PLIN3: variants seen among roughly 807,000 people sequenced by gnomAD.
The protein encoded by PLIN3 is perilipin 3.
In PLIN3, 30 loss-of-function variants were observed where a neutral mutation model predicts 35.9. That is an observed-to-expected ratio of 0.84 (90% CI 0.62 to 1.13). The LOEUF (loss-of-function observed/expected upper bound fraction) is 1.13, where lower values mean the gene tolerates loss of function less well. PLIN3 is among the 50% of genes most tolerant of loss of function. The pLI, the probability that PLIN3 is intolerant of heterozygous loss-of-function variation, is 0.00. For synonymous variants in PLIN3, 261 were observed against 262.5 expected (o/e 0.99, Z 0.06); for missense variants, 603 against 596.9 (o/e 1.01, Z -0.11).
intron 1 of PLIN3, among the ~76,000 whole-genome samples, chr19:4,862,079 T>C (rs2030694479): frequency 1.3e-5 from 2 of 149,892 alleles, no homozygotes; most frequent in Admixed American, 1.3e-4. Flanking sequence ...ACTAGGACTA[T>C]AGGCACACAC....
intron 1 of PLIN3, among the ~76,000 whole-genome samples, chr19:4,866,019 G>A (rs1004853864): frequency 7.1e-6 from 1 of 139,904 alleles, no homozygotes; most frequent in African/African-American, 2.7e-5. Flanking sequence ...CACCATGCCC[G>A]GCCTTTTTTT....
intron 1 of PLIN3, among the ~76,000 whole-genome samples, 180 bp downstream of exon 1, chr19:4,867,429 G>C (rs1599182323): frequency 6.6e-6 from 1 of 152,156 alleles, no homozygotes; most frequent in African/African-American, 2.4e-5. Flanking sequence ...CTTCGTTGCA[G>C]AAGTTGGATT....
intron 7 of PLIN3, among the ~76,000 whole-genome samples, chr19:4,843,224 A>T (rs2029962406): frequency 7.8e-6 from 1 of 128,154 alleles, no homozygotes; most frequent in African/African-American, 3.0e-5. Flanking sequence ...ATAAATAAAT[A>T]GGCAGGGTGC....
chr19:4,839,230 G>T lies in PLIN3; in HGVS notation c.1267C>A (p.Pro423Thr). 6.2e-7 allele frequency: 1 copy of T among 1,609,866 alleles called. No individual in the cohort carries two copies. The highest frequency in any genetic ancestry group is 8.5e-7 in the Non-Finnish European group (1 of 1,176,712). ...PVTWLVGPFA[P>T]GITEKAPEEK... ...TCCGGGGCTTTCTCAGTGATTCCAGGGGCAAAGGGTCCCACGAGCCACGTG... is the reference window on the plus strand; with the variant it reads ...TCCGGGGCTTTCTCAGTGATTCCAGTGGCAAAGGGTCCCACGAGCCACGTG... Residue 423 changes from proline to threonine, a missense_variant, in exon 8 of 8, where the codon CCT becomes ACT. Coordinates refer to ENST00000221957, the MANE Select transcript of PLIN3 (RefSeq NM_005817.5).
chr19:4,862,262 C>T (rs2030701707), intron 1 of PLIN3, among the ~76,000 whole-genome samples: 1 of 151,990 alleles, frequency 6.6e-6, no homozygotes. Context: ...TTCCCAGTAG[C>T]TGGGACTACA....
chr19:4,859,277 T>C (rs1431621667), intron 4 of PLIN3, among the ~76,000 whole-genome samples: 5 of 152,098 alleles, frequency 3.3e-5, no homozygotes, highest in Non-Finnish European at 7.3e-5. Flanking sequence ...ATCCCAGCAC[T>C]TTGAGAGGCT....
At chr19:4,859,522 G>A (rs1309172996) in intron 4 of PLIN3, 68 bp downstream of exon 4, 1 of 1,331,560 alleles carries the variant, frequency 7.5e-7, no homozygotes, top group Middle Eastern at 2.1e-4. Flanking sequence ...AGTTAAGCTG[G>A]GACCAGCGCA....
At chr19:4,856,925 C>A (rs1237824036) in intron 4 of PLIN3, among the ~76,000 whole-genome samples, 2 of 151,902 alleles carry the variant, frequency 1.3e-5, no homozygotes, top group Non-Finnish European at 2.9e-5. Context: ...AGGCTGGTCT[C>A]GTACTCCTGA....
intron 4 of PLIN3, among the ~76,000 whole-genome samples, chr19:4,854,529 C>T (rs1599168722): frequency 2.0e-5 from 3 of 152,048 alleles, no homozygotes; most frequent in East Asian, 3.9e-4. Context: ...TCAGCCTCCC[C>T]AGCAGCTGGG....
In PLIN3 at chr19:4,838,913, T is replaced by A. The variant is rs2146191831; in HGVS notation, c.*279A>T. ...CTGATATTTAACAAGGAAAAAAAATTCTGCAGGGGAGAACTTTCCTGAAAG... is the reference window on the plus strand; with the variant it reads ...CTGATATTTAACAAGGAAAAAAAATACTGCAGGGGAGAACTTTCCTGAAAG... On this transcript the variant is annotated 3_prime_UTR_variant, in exon 8 of 8. Coordinates refer to ENST00000221957, the MANE Select transcript of PLIN3 (RefSeq NM_005817.5). 1 of 290,936 alleles carries A rather than the reference T, an allele frequency of 3.4e-6. No homozygotes were observed. Among genetic ancestry groups the A allele is most frequent in the African/African-American group, 2.2e-5 (1 of 46,362 alleles). The allele number at this position is 290,936 out of a possible 1,614,324, so 18.0% of individuals were successfully genotyped here.
Position 4,852,170 on chromosome 19 carries a change from G to A in PLIN3, c.480C>T (p.Ser160=), listed in dbSNP as rs763440739. 8 of 1,613,790 alleles carry A rather than the reference G, an allele frequency of 5.0e-6. No individual in the cohort carries two copies. The highest frequency in any genetic ancestry group is 1.7e-5 in the Admixed American group (1 of 60,004). ...AVDATRGAVQ[S]GVDKTKSVVT... is the part of the protein sequence containing the mutation. The stretch of plus-strand genomic sequence containing the variant: ...CTACGGACTTTGTCTTGTCCACGCC[G>A]CTCTGCACAGCACCGCGGGTCGCGT... The change falls in exon 5 of 8, where the codon AGC becomes AGT. Residue 160 remains serine (S), a synonymous_variant. Transcript: ENST00000221957.
intron 7 of PLIN3, among the ~76,000 whole-genome samples, chr19:4,842,950 G>A (rs1262720767): frequency 1.3e-5 from 2 of 152,190 alleles, no homozygotes; most frequent in African/African-American, 4.8e-5. Context: ...TCCGGGCACG[G>A]TGGCTCACGC....
intron 5 of PLIN3, among the ~76,000 whole-genome samples, chr19:4,850,536 TCA>T (rs768705729): frequency 2.0e-5 from 3 of 150,908 alleles, no homozygotes; most frequent in Non-Finnish European, 4.4e-5. Context: ...TTCTCCTGCC[TCA>T]GTCTCCCGAG....
In PLIN3 at chr19:4,861,346, C is replaced by T. The variant is rs199710810; in HGVS notation, c.49G>A (p.Glu17Lys). ...TTCCTCACCTGCTGTACCGGTTCTT[C>T]CACTGTCACCTGGGTGCTGCCATCA... ...EADGSTQVTV[E>K]EPVQQPSVVD... Residue 17 changes from glutamate to lysine, a missense_variant, in exon 2 of 8, where the codon GAA becomes AAA. Coordinates refer to ENST00000221957, the MANE Select transcript of PLIN3 (RefSeq NM_005817.5). The T allele has an allele frequency of 2.6e-5, 42 of 1,613,404 alleles. 1 individual carries two copies. The East Asian group carries it at 9.4e-4, about 36-fold the overall frequency.
At chr19:4,857,342 G>A (rs2030508076) in intron 4 of PLIN3, among the ~76,000 whole-genome samples, 1 of 152,002 alleles carries the variant, frequency 6.6e-6, no homozygotes, top group Non-Finnish European at 1.5e-5. Context: ...GGCTGAGGCA[G>A]GAGGATCTGT....
At chr19:4,842,669 G>C (rs1255724195) in intron 7 of PLIN3, among the ~76,000 whole-genome samples, 2 of 151,580 alleles carry the variant, frequency 1.3e-5, no homozygotes, top group East Asian at 1.9e-4. Context: ...CTGGCAGCTG[G>C]AGGACTCTGG....
chr19:4,859,611 G>T lies in PLIN3; in HGVS notation c.327C>A (p.Ile109=). The T allele has an allele frequency of 2.5e-6, 4 of 1,614,150 alleles. No homozygotes were observed. Among genetic ancestry groups the T allele is most frequent in the Non-Finnish European group, 3.4e-6 (4 of 1,179,986 alleles). The change falls in exon 4 of 8, where the codon ATC becomes ATA. Residue 109 remains isoleucine (I), a synonymous_variant. Transcript: ENST00000221957. ...GLDKLEENLP[I]LQQPTEKVLA... is the part of the protein sequence containing the mutation. The stretch of plus-strand genomic sequence containing the variant: ...TTACCTTCTCCGTGGGCTGCTGCAG[G>T]ATGGGGAGGTTCTCCTCCAACTTGT...
intron 1 of PLIN3, among the ~76,000 whole-genome samples, chr19:4,863,987 T>C (rs2030759584): frequency 6.6e-6 from 1 of 151,916 alleles, no homozygotes; most frequent in African/African-American, 2.4e-5. Context: ...GGCTGCAGTG[T>C]AGTGGTGCGA....
Position 4,859,833 on chromosome 19 carries a change from C to G in PLIN3, c.258G>C (p.Glu86Asp), listed in dbSNP as rs532074339. Residue 86 changes from glutamate to aspartate, a missense_variant, in exon 3 of 8, where the codon GAG (glutamate) becomes GAC (aspartate). Glu to Asp is a conservative substitution (Grantham distance 45). Transcript: ENST00000221957. ...SGAQPILSKL[E>D]PQIASASEYA... ...CCCTGGGACTTCACCCACTCTGGGGCTCCAGCTTGGAGAGGATCGGCTGAG... is the reference window on the plus strand; with the variant it reads ...CCCTGGGACTTCACCCACTCTGGGGGTCCAGCTTGGAGAGGATCGGCTGAG... 1 of 1,613,224 alleles carries G rather than the reference C, an allele frequency of 6.2e-7. No individual in the cohort carries two copies. Among genetic ancestry groups the G allele is most frequent in the Non-Finnish European group, 8.5e-7 (1 of 1,179,964 alleles).
Sources: gnomAD v4.1 joint callset for allele counts (sites outside exome capture counted in the v4.1 genomes callset) on GRCh38, gnomAD v4.1.1 for gene constraint, MANE v1.5 for transcripts, NCBI Gene and HGNC (gene_info 2026-07-23, HGNC 2026-07-21) for gene names.